C4orf17: variants seen among roughly 807,000 people sequenced by gnomAD.
C4orf17 encodes the protein chromosome 4 open reading frame 17.
A neutral mutation model predicts 32.0 loss-of-function variants in C4orf17; 25 were observed. The observed-to-expected ratio is 0.78, with a 90% confidence interval of 0.57 to 1.09. The LOEUF (loss-of-function observed/expected upper bound fraction) is 1.09. C4orf17 is among the 50% of genes least tolerant of loss of function. C4orf17 has a pLI of 0.00. For missense variants in C4orf17, 420 were observed against 420.0 expected, an observed-to-expected ratio of 1.00 and a Z score of 0.00; for synonymous variants, 149 against 145.8, an observed-to-expected ratio of 1.02 and a Z score of -0.16.
At chr4:99,530,354 C>G (rs973888378) in intron 5 of C4orf17, among the ~76,000 whole-genome samples, 3 of 152,242 alleles carry the variant, frequency 2.0e-5, no homozygotes, top group African/African-American at 7.2e-5. Context: ...ATCTCTTCCT[C>G]TTTTCCTTGC....
chr4:99,539,898 G>C (rs563234310), intron 7 of C4orf17, among the ~76,000 whole-genome samples: 2 of 151,886 alleles, frequency 1.3e-5, no homozygotes, highest in Non-Finnish European at 2.9e-5. Context: ...ATTATTGCAG[G>C]AGAAATTTTT....
In C4orf17 at chr4:99,522,607, G is replaced by T; in HGVS notation, c.235G>T (p.Ala79Ser). ...CTTAGAGAAGAACAGGATACCATTT[G>T]CCAATTGCAGTTACCCCTCCAGCAC... ...NYLEKNRIPF[A>S]NCSYPSSTAV... Residue 79 changes from alanine to serine, a missense_variant, in exon 3 of 9, where the codon GCC (alanine) becomes TCC (serine). Coordinates refer to ENST00000326581, the MANE Select transcript of C4orf17 (RefSeq NM_032149.3). 6.8e-6 allele frequency: 11 copies of T among 1,613,884 alleles called. No individual in the cohort carries two copies. Among genetic ancestry groups the T allele is most frequent in the Non-Finnish European group, 9.3e-6 (11 of 1,179,866 alleles).
chr4:99,532,703 A>G (rs899487241), intron 5 of C4orf17, among the ~76,000 whole-genome samples: 21 of 152,214 alleles, frequency 1.4e-4, no homozygotes, highest in Admixed American at 1.2e-3. Flanking sequence ...CAAATTTAAA[A>G]AGAAGAGTGG....
At chr4:99,536,616 G>T (rs551018826) in intron 5 of C4orf17, among the ~76,000 whole-genome samples, 1 of 152,288 alleles carries the variant, frequency 6.6e-6, no homozygotes, top group African/African-American at 2.4e-5. Context: ...CAGATATGCT[G>T]GCTGCCCCTT....
At chr4:99,518,841 C>T (rs1723240681) in intron 2 of C4orf17, among the ~76,000 whole-genome samples, 1 of 151,888 alleles carries the variant, frequency 6.6e-6, no homozygotes, top group African/African-American at 2.4e-5. Context: ...TTATAAACTT[C>T]CCCTCATTAT....
chr4:99,541,770 T>C lies in C4orf17; in HGVS notation c.881-140T>C. ...GGTGGAAAAAAAAAGAAAAGGAATA[T>C]ATTCTTTTGTGAATTTTGGGTGTAT... On this transcript the variant is annotated intron_variant, in intron 8 of 8. Transcript: ENST00000326581. 3 of 648,888 alleles carry C rather than the reference T, an allele frequency of 4.6e-6. 1 individual carries two copies. The highest frequency in any genetic ancestry group is 8.1e-6 in the Non-Finnish European group (3 of 370,254). 40.2% of individuals were successfully genotyped at this position (648,888 alleles called of 1,614,324 possible).
rs1367791562 is a variant in C4orf17, at chr4:99,539,149, G to T, written c.629-14G>T. 6.9e-6 allele frequency: 11 copies of T among 1,602,900 alleles called. No homozygotes were observed. The highest frequency in any genetic ancestry group is 3.5e-5 in the Admixed American group (2 of 57,494). Reference sequence around the variant, plus strand: ...ACCTTCACTCCTCCCACCCTTTTTTGTCTTTTAAACCAGAAAAAGAGTGGG... The same window carrying T: ...ACCTTCACTCCTCCCACCCTTTTTTTTCTTTTAAACCAGAAAAAGAGTGGG... On this transcript the variant is annotated splice_polypyrimidine_tract_variant and intron_variant, in intron 6 of 8. Coordinates refer to ENST00000326581, the MANE Select transcript of C4orf17 (RefSeq NM_032149.3).
At chr4:99,537,849 G>A in intron 6 of C4orf17, 99 bp downstream of exon 6, 1 of 859,102 alleles carries the variant, frequency 1.2e-6, no homozygotes, top group Non-Finnish European at 1.9e-6. Flanking sequence ...GATTTGCAAA[G>A]ATAATGTTGC....
intron 2 of C4orf17, among the ~76,000 whole-genome samples, chr4:99,521,460 C>G (rs1723286578): frequency 6.6e-6 from 1 of 151,920 alleles, no homozygotes. Flanking sequence ...ATCTTACATT[C>G]TAATGCAGCT....
chr4:99,529,478 A>G (rs1293739172), intron 4 of C4orf17, among the ~76,000 whole-genome samples: 2 of 152,210 alleles, frequency 1.3e-5, no homozygotes, highest in African/African-American at 4.8e-5. Flanking sequence ...TGGCCATAAA[A>G]GAGAAATCTT....
intron 7 of C4orf17, among the ~76,000 whole-genome samples, chr4:99,540,132 C>T (rs1222598208): frequency 3.3e-5 from 5 of 151,792 alleles, no homozygotes; most frequent in South Asian, 2.1e-4. Context: ...ACTAACTGTC[C>T]GTATCTTAAA....
chr4:99,536,681 A>G (rs1163597648), intron 5 of C4orf17, among the ~76,000 whole-genome samples: 2 of 152,128 alleles, frequency 1.3e-5, no homozygotes, highest in Non-Finnish European at 2.9e-5. Flanking sequence ...CCTCTGTCTC[A>G]GATTATGTAG....
At position 99,539,335 on chromosome 4, in the gene C4orf17, G is replaced by A. The variant is rs767402580; in HGVS notation, c.801G>A (p.Val267=). 6.2e-7 allele frequency: 1 copy of A among 1,614,020 alleles called. No homozygotes were observed. Among genetic ancestry groups the A allele is most frequent in the East Asian group, 2.2e-5 (1 of 44,870 alleles). ...CAAATTTTACTGCAAAATCAAAAGT[G>A]CTGACCAGAGATACAGAAGGGGATC... The part of the protein sequence containing the change: ...LPPNFTAKSK[V]LTRDTEGDQP... Residue 267 remains valine, a synonymous_variant, in exon 7 of 9, where the codon GTG becomes GTA. Transcript: ENST00000326581.
chr4:99,540,065 A>G (rs2110174980), intron 7 of C4orf17, among the ~76,000 whole-genome samples: 1 of 152,266 alleles, frequency 6.6e-6, no homozygotes, highest in African/African-American at 2.4e-5. Context: ...GGAAAAATAC[A>G]TTTTTGAAAA....
intron 5 of C4orf17, among the ~76,000 whole-genome samples, chr4:99,534,396 T>C (rs1410997936): frequency 6.6e-6 from 1 of 152,254 alleles, no homozygotes; most frequent in Non-Finnish European, 1.5e-5. Context: ...GGCATTTAGG[T>C]TGATTCCATG....
Position 99,520,125 on chromosome 4 carries a change from T to C in C4orf17, c.128-2375T>C, listed in dbSNP as rs937563958. Among the ~76,000 whole-genome samples, 5 of 149,746 alleles carry C rather than the reference T, an allele frequency of 3.3e-5. No individual in the cohort carries two copies. In the South Asian group the frequency reaches 8.4e-4, roughly 25 times the overall value. On this transcript the variant is annotated intron_variant, in intron 2 of 8. Transcript: ENST00000326581. ...TTTTTTTTGAGACGGAGTCTCGCTC[T>C]TTCACCCAGGCCGGACTGCAGTGGT... is the stretch of plus-strand genomic sequence containing the variant.
intron 5 of C4orf17, chr4:99,536,088 C>T (rs778388011): frequency 3.7e-5 from 14 of 379,872 alleles, no homozygotes; most frequent in Non-Finnish European, 6.2e-5. Context: ...TGTCTGCCTG[C>T]TCCTTCCTCT....
intron 2 of C4orf17, among the ~76,000 whole-genome samples, chr4:99,520,910 T>A (rs575870820): frequency 6.6e-6 from 1 of 152,226 alleles, no homozygotes; most frequent in African/African-American, 2.4e-5. Context: ...TAAGTATAGA[T>A]TAAGCCATTT....
chr4:99,512,820 T>C (rs1306534485), intron 1 of C4orf17, among the ~76,000 whole-genome samples, 169 bp from the exon 2 acceptor site: 2 of 152,194 alleles, frequency 1.3e-5, no homozygotes, highest in African/African-American at 4.8e-5. Context: ...GATCCACCCA[T>C]GCCTATACTT....
Sources: gnomAD v4.1 joint callset for allele counts (sites outside exome capture counted in the v4.1 genomes callset) on GRCh38, gnomAD v4.1.1 for gene constraint, MANE v1.5 for transcripts, NCBI Gene and HGNC (gene_info 2026-07-23, HGNC 2026-07-21) for gene names.